Variants in HDAC9 observed in about 807,000 individuals in gnomAD.
HDAC9 encodes MEF-2 interacting transcription repressor (MITR) protein.
In HDAC9, 41 loss-of-function variants were observed where a neutral mutation model predicts 139.4. That is an observed-to-expected ratio of 0.29 (90% CI 0.23 to 0.38). The LOEUF is 0.38. HDAC9 is among the 10% of genes least tolerant of loss of function. The pLI is 1.00. For synonymous variants in HDAC9, 517 were observed against 476.2 expected (o/e 1.09, Z -1.12); for missense variants, 1,147 against 1,297.0 (o/e 0.88, Z 1.78).
At chr7:18,710,378 A>G (rs1050499904) in intron 12 of HDAC9, among the ~76,000 whole-genome samples, 1 of 152,228 alleles carries the variant, frequency 6.6e-6, no homozygotes, top group Non-Finnish European at 1.5e-5. Flanking sequence ...TATTGGTTTA[A>G]TTATTCAAAA....
chr7:18,864,673 C>G (rs1346875397), intron 21 of HDAC9, among the ~76,000 whole-genome samples: 2 of 151,512 alleles, frequency 1.3e-5, no homozygotes, highest in African/African-American at 4.9e-5. Flanking sequence ...TATTTTATCA[C>G]CCTTGAACCT....
chr7:18,538,442 A>T (rs1480026952), intron 2 of HDAC9, among the ~76,000 whole-genome samples: 1 of 152,216 alleles, frequency 6.6e-6, no homozygotes, highest in Non-Finnish European at 1.5e-5. Flanking sequence ...GTTGTGGTAG[A>T]TGAAAGGACA....
intron 1 of HDAC9, among the ~76,000 whole-genome samples, chr7:18,161,452 A>G (rs558509749): frequency 2.1e-4 from 32 of 152,320 alleles, no homozygotes; most frequent in African/African-American, 7.2e-4. Flanking sequence ...GGGATATACT[A>G]TTTTAGTAAG....
chr7:18,447,471 C>T (rs915371170), intron 1 of HDAC9, among the ~76,000 whole-genome samples: 3 of 152,098 alleles, frequency 2.0e-5, no homozygotes, highest in African/African-American at 4.8e-5. Context: ...TGTTGTGGAG[C>T]CATTTGTATT....
chr7:18,362,508 A>G (rs1783860167), intron 1 of HDAC9, among the ~76,000 whole-genome samples: 1 of 152,200 alleles, frequency 6.6e-6, no homozygotes, highest in African/African-American at 2.4e-5. Flanking sequence ...AAAAATAAAT[A>G]GGTATATGGT....
At chr7:18,653,633 C>CGT (rs1278940695) in intron 11 of HDAC9, among the ~76,000 whole-genome samples, 1 of 152,048 alleles carries the variant, frequency 6.6e-6, no homozygotes, top group Admixed American at 6.6e-5. Context: ...AAAAATATAT[C>CGT]TAAGACAAGA....
At chr7:18,875,565 G>GT (rs1563012275) in intron 22 of HDAC9, among the ~76,000 whole-genome samples, 1 of 152,130 alleles carries the variant, frequency 6.6e-6, no homozygotes, top group East Asian at 1.9e-4. Context: ...TAGTAACATT[G>GT]TTAGGTAGTA....
intron 12 of HDAC9, among the ~76,000 whole-genome samples, chr7:18,725,794 T>G (rs1485822663): frequency 1.3e-5 from 2 of 152,176 alleles, no homozygotes; most frequent in East Asian, 3.9e-4. Context: ...AAGGACTATA[T>G]TAATCTTACT....
intron 1 of HDAC9, among the ~76,000 whole-genome samples, chr7:18,094,216 A>G (rs1304622418): frequency 6.6e-6 from 1 of 152,196 alleles, no homozygotes; most frequent in African/African-American, 2.4e-5. Context: ...CTGTTCTCAA[A>G]GAAGGAAATT....
At chr7:18,915,486 G>A (rs1005687945) in intron 22 of HDAC9, among the ~76,000 whole-genome samples, 1 of 151,588 alleles carries the variant, frequency 6.6e-6, no homozygotes, top group Non-Finnish European at 1.5e-5. Flanking sequence ...AGCTAAGGTC[G>A]AGCTTAAAGG....
intron 1 of HDAC9, among the ~76,000 whole-genome samples, chr7:18,457,507 C>G (rs560563337): frequency 1.3e-5 from 2 of 152,236 alleles, no homozygotes; most frequent in Non-Finnish European, 2.9e-5. Context: ...TAAAAATAAT[C>G]TAATTATTCA....
chr7:18,103,564 C>T (rs1241559814), intron 1 of HDAC9, among the ~76,000 whole-genome samples: 1 of 152,110 alleles, frequency 6.6e-6, no homozygotes, highest in African/African-American at 2.4e-5. Context: ...GTTGCCATAA[C>T]AGCTTGGAGT....
chr7:18,519,808 G>T (rs1804434856), intron 2 of HDAC9, among the ~76,000 whole-genome samples: 2 of 151,966 alleles, frequency 1.3e-5, no homozygotes, highest in Admixed American at 6.6e-5. Flanking sequence ...TTTATCAGCA[G>T]TTTTATTTAT....
chr7:18,456,601 C>T (rs1422493011), intron 1 of HDAC9, among the ~76,000 whole-genome samples: 2 of 152,136 alleles, frequency 1.3e-5, no homozygotes, highest in East Asian at 3.9e-4. Context: ...ACCTGAAAAA[C>T]AGTTGATGGA....
chr7:18,777,998 C>T (rs1012710633), intron 16 of HDAC9, among the ~76,000 whole-genome samples: 16 of 151,862 alleles, frequency 1.1e-4, no homozygotes, highest in African/African-American at 3.6e-4. Context: ...GTTTCCTATT[C>T]TACAGAAAAG....
chr7:18,904,617 T>G (rs1241847650), intron 22 of HDAC9, among the ~76,000 whole-genome samples: 3 of 117,626 alleles, frequency 2.6e-5, no homozygotes, highest in Non-Finnish European at 3.3e-5. Flanking sequence ...TCTCGCTGTC[T>G]CCCAGGCTGA....
intron 11 of HDAC9, among the ~76,000 whole-genome samples, chr7:18,665,757 CA>C (rs138588577): frequency 0.012 from 1,852 of 152,156 alleles, 34 homozygotes; most frequent in African/African-American, 0.042. Context: ...AGACTATTAG[CA>C]TTTGTGTTCT....
intron 2 of HDAC9, among the ~76,000 whole-genome samples, chr7:18,252,454 A>G (rs370914146): frequency 6.6e-6 from 1 of 152,214 alleles, no homozygotes; most frequent in African/African-American, 2.4e-5. Flanking sequence ...TAATGAACCT[A>G]TCCTATATGT....
In HDAC9 at chr7:18,487,413, A is replaced by C. The variant is rs77484006; in HGVS notation, c.-41-8849A>C. Among the ~76,000 whole-genome samples the C allele has an allele frequency of 7.1e-3, 1,087 of 152,176 alleles. 14 individuals are homozygous for C. The highest frequency in any genetic ancestry group is 0.025 in the African/African-American group (1,022 of 41,556). On this transcript the variant is annotated intron_variant, in intron 1 of 3. Coordinates refer to the HDAC9 transcript ENST00000413509. Reference sequence around the variant, plus strand: ...ATTGTGTCTGTTGCATGATGTTTGCAAAAGAAAGTTAGGGGTTGAACTCCT... The same window carrying C: ...ATTGTGTCTGTTGCATGATGTTTGCCAAAGAAAGTTAGGGGTTGAACTCCT...
Sources: allele counts gnomAD v4.1 joint callset (sites outside exome capture counted in the v4.1 genomes callset), GRCh38; gene constraint gnomAD v4.1.1; transcripts MANE v1.5; gene names NCBI Gene and HGNC (gene_info 2026-07-23, HGNC 2026-07-21).